Variants in SDR39U1 observed in about 807,000 individuals in gnomAD.
The protein encoded by SDR39U1 is epimerase family protein SDR39U1.
SDR39U1 carries 29 observed loss-of-function variants against 31.7 expected under a neutral mutation model. That is an observed-to-expected ratio of 0.92 (90% CI 0.68 to 1.25). The LOEUF is 1.25. Ranked by LOEUF, SDR39U1 falls within the 50% of genes most tolerant of loss-of-function variation. The pLI is 0.00. For missense variants in SDR39U1, 403 were observed against 378.4 expected (o/e 1.06, Z -0.54); for synonymous variants, 147 against 159.0 (o/e 0.92, Z 0.57).
rs761747443 is a variant in SDR39U1 at position 24,442,265 on chromosome 14, C to T, written c.124-5G>A. On this transcript the variant is annotated splice_polypyrimidine_tract_variant and splice_region_variant and intron_variant, in intron 2 of 5. Transcript: ENST00000399395. Reference sequence around the variant, plus strand: ...CCCCGATGCAGCGAGCTCATCCTGTCGGAGAAAGCACACAGTGCCCCTGCC... The same window carrying T: ...CCCCGATGCAGCGAGCTCATCCTGTTGGAGAAAGCACACAGTGCCCCTGCC... 5.0e-6 allele frequency: 8 copies of T among 1,608,170 alleles called. No individual in the cohort carries two copies. Among genetic ancestry groups the T allele is most frequent in the Non-Finnish European group, 6.8e-6 (8 of 1,177,688 alleles).
chr14:24,442,167 C>A lies in SDR39U1; in HGVS notation c.206+11G>T. On this transcript the variant is annotated intron_variant, in intron 3 of 5. Coordinates refer to ENST00000399395, the MANE Select transcript of SDR39U1 (RefSeq NM_020195.3). The stretch of plus-strand genomic sequence containing the variant: ...GCTCTAGTGGGTATCAGCTTTAGGG[C>A]CCGGGCTGACCTTCGGAGAGGGTTG... The A allele has an allele frequency of 6.2e-7, 1 of 1,608,170 alleles. No homozygotes were observed. The highest frequency in any genetic ancestry group is 8.5e-7 in the Non-Finnish European group (1 of 1,177,328).
chr14:24,440,749 C>A, intron 5 of SDR39U1, 34 bp downstream of exon 5: 1 of 1,610,042 alleles, frequency 6.2e-7, no homozygotes. Context: ...AGAAGACATT[C>A]CAACCCTGTC....
At position 24,441,680 on chromosome 14, in the gene SDR39U1, C is replaced by T; in HGVS notation, c.322G>A (p.Gly108Ser). The T allele has an allele frequency of 6.3e-7, 1 of 1,583,744 alleles. No individual in the cohort carries two copies. ...GGTGATTTGGGGGGCGTACCTACAC[C>T]TGTGACTAAGACCCAGGCCTTGGGG... ...QPPKAWVLVTGVAYYQPSLTA... is the reference protein window; with the variant it reads ...QPPKAWVLVTSVAYYQPSLTA... The change falls in exon 4 of 6, where the codon GGT (glycine) becomes AGT (serine). Residue 108 changes from glycine (G) to serine (S), a missense_variant. Physicochemically the swap from Gly to Ser is moderately conservative, Grantham distance 56. Coordinates refer to ENST00000399395, the MANE Select transcript of SDR39U1 (RefSeq NM_020195.3).
chr14:24,441,645 A>G (rs770512890), intron 4 of SDR39U1, 29 bp downstream of exon 4: 2 of 1,557,562 alleles, frequency 1.3e-6, no homozygotes, highest in Non-Finnish European at 1.7e-6. Context: ...CCTGGCGAAT[A>G]TAAGGGGCTG....
intron 4 of SDR39U1, chr14:24,441,442 G>T: frequency 2.0e-6 from 1 of 512,506 alleles, no homozygotes; most frequent in African/African-American, 2.0e-5. Flanking sequence ...AGGGACTTTG[G>T]GATAGGTGGA....
Position 24,441,670 on chromosome 14 carries a change from G to A in SDR39U1, c.328+4C>T, listed in dbSNP as rs11158703. The A allele has an allele frequency of 0.88, 1,386,331 of 1,573,406 alleles. 616,597 individuals carry two copies. Among genetic ancestry groups the A allele is most frequent in the Non-Finnish European group, 0.9 (1,053,549 of 1,165,728 alleles). On this transcript the variant is annotated splice_donor_region_variant and intron_variant, in intron 4 of 5. Coordinates refer to ENST00000399395, the MANE Select transcript of SDR39U1 (RefSeq NM_020195.3). ...ATAAGGGGCTGGTGATTTGGGGGGC[G>A]TACCTACACCTGTGACTAAGACCCA...
At chr14:24,442,558 G>T in intron 1 of SDR39U1, 106 bp from the exon 2 acceptor site, 1 of 1,234,096 alleles carries the variant, frequency 8.1e-7, no homozygotes. Context: ...CTGACACCAG[G>T]CTTCTCCCCA....
At chr14:24,442,123 G>T in intron 3 of SDR39U1, 55 bp downstream of exon 3, 1 of 1,577,418 alleles carries the variant, frequency 6.3e-7, no homozygotes, top group East Asian at 2.3e-5. Context: ...TCTCATCAGT[G>T]GGGCACTGTC....
At position 24,440,267 on chromosome 14, in the gene SDR39U1, C is replaced by T; in HGVS notation, c.698G>A (p.Gly233Asp). 1.2e-6 allele frequency: 2 copies of T among 1,613,950 alleles called. No homozygotes were observed. Among genetic ancestry groups the T allele is most frequent in the Non-Finnish European group, 1.7e-6 (2 of 1,179,832 alleles). Reference protein sequence around the residue: ...ATNAEFAQTLGAALGRRAFIP... With the variant: ...ATNAEFAQTLDAALGRRAFIP... ...GAAGGCTCGGCGGCCCAGGGCAGCA[C>T]CCAAGGTCTGGGCAAACTCAGCATT... The change falls in exon 6 of 6, where the codon GGT becomes GAT. Residue 233 changes from glycine to aspartate, a missense_variant. By Grantham distance (94) the Gly-to-Asp change is moderately conservative. Transcript: ENST00000399395.
At chr14:24,442,585 C>A in intron 1 of SDR39U1, 133 bp from the exon 2 acceptor site, 1 of 1,218,092 alleles carries the variant, frequency 8.2e-7, no homozygotes, top group East Asian at 2.3e-5. Flanking sequence ...CCCCTCCTCG[C>A]GATGCAGAGG....
chr14:24,440,550 C>G, intron 5 of SDR39U1, 58 bp from the exon 6 acceptor site: 1 of 1,538,252 alleles, frequency 6.5e-7, no homozygotes, highest in East Asian at 2.4e-5. Context: ...GAGCCCACTG[C>G]TCCTCCTGGT....
intron 3 of SDR39U1, 132 bp from the exon 4 acceptor site, chr14:24,441,927 T>A: frequency 1.5e-6 from 2 of 1,370,982 alleles, no homozygotes; most frequent in Non-Finnish European, 2.0e-6. Flanking sequence ...AGAGAAACAG[T>A]CAACGTCTCC....
chr14:24,440,424 C>T lies in SDR39U1; in HGVS notation c.541G>A (p.Gly181Ser), dbSNP rs200225837. ...AATTGGTGGCCTGAGCCGATGGGGC[C>T]CCCCAGGCCCAGGCGAAAGGGCAGC... ...MLLPFRLGLG[G>S]PIGSGHQFFP... is the part of the protein sequence containing the mutation. Residue 181 changes from glycine to serine, a missense_variant, in exon 6 of 6, where the codon GGC (glycine) becomes AGC (serine). Transcript: ENST00000399395. The T allele has an allele frequency of 5.6e-6, 9 of 1,613,066 alleles. No individual in the cohort carries two copies. The highest frequency in any genetic ancestry group is 2.2e-5 in the South Asian group (2 of 90,910).
intron 1 of SDR39U1, 51 bp downstream of exon 1, chr14:24,442,703 T>C: frequency 6.2e-7 from 1 of 1,610,894 alleles, no homozygotes; most frequent in Non-Finnish European, 8.5e-7. Flanking sequence ...TTCCCAGTCC[T>C]CAATCTCCGA....
rs112432580 is a variant in SDR39U1, at chr14:24,440,773, C to G, written c.472+10G>C. 4 of 1,613,230 alleles carry G rather than the reference C, an allele frequency of 2.5e-6. No individual in the cohort carries two copies. The highest frequency in any genetic ancestry group is 2.2e-5 in the South Asian group (2 of 91,078). On this transcript the variant is annotated intron_variant, in intron 5 of 5. Transcript: ENST00000399395. ...TCCAACCCTGTCTGATACCCAGGCC[C>G]GTTTCTCACCTGAGCGCACCACCAC...
chr14:24,442,602 A>G, intron 1 of SDR39U1, 150 bp from the exon 2 acceptor site: 1 of 1,232,968 alleles, frequency 8.1e-7, no homozygotes, highest in South Asian at 1.2e-5. Flanking sequence ...GAGGTGACAC[A>G]GGTCACAGGG....
upstream of SDR39U1, chr14:24,442,814 T>C (rs985708654): frequency 3.7e-6 from 6 of 1,610,206 alleles, no homozygotes; most frequent in Admixed American, 1.7e-5. Context: ...AGAGTTTACC[T>C]CACCTCAGAC....
chr14:24,440,902 G>A lies in SDR39U1; in HGVS notation c.353C>T (p.Ala118Val), dbSNP rs757888052. 13 of 1,613,866 alleles carry A rather than the reference G, an allele frequency of 8.1e-6. No homozygotes were observed. Among genetic ancestry groups the A allele is most frequent in the African/African-American group, 2.7e-5 (2 of 74,910 alleles). ...TCCTGGGCTGTCTTCATCATACTCCGCAGTCAGACTGGGCTGGTAGTAAGC... is the reference window on the plus strand; with the variant it reads ...TCCTGGGCTGTCTTCATCATACTCCACAGTCAGACTGGGCTGGTAGTAAGC... ...GVAYYQPSLTAEYDEDSPGGD... is the reference protein window; with the variant it reads ...GVAYYQPSLTVEYDEDSPGGD... Residue 118 changes from alanine (A) to valine (V), a missense_variant, in exon 5 of 6, where the codon GCG (alanine) becomes GTG (valine). Ala to Val is a moderately conservative substitution (Grantham distance 64, BLOSUM62 0). Coordinates refer to ENST00000399395, the MANE Select transcript of SDR39U1 (RefSeq NM_020195.3).
Position 24,442,377 on chromosome 14 carries a change from G to C in SDR39U1, c.92C>G (p.Ser31Cys). 6.2e-7 allele frequency: 1 copy of C among 1,611,982 alleles called. No individual in the cohort carries two copies. The highest frequency in any genetic ancestry group is 8.5e-7 in the Non-Finnish European group (1 of 1,179,030). The part of the protein sequence containing the change: ...NARGHEVTLV[S>C]RKPGPGRITW... ...GATCCGGCCGGGCCCGGGCTTTCGG[G>C]AGACCAACGTCACTTCGTGGCCTCT... Residue 31 changes from serine to cysteine, a missense_variant, in exon 2 of 6, where the codon TCC (serine) becomes TGC (cysteine). By Grantham distance (112) the Ser-to-Cys change is moderately radical. Transcript: ENST00000399395.
Sources: allele counts gnomAD v4.1 joint callset, GRCh38; gene constraint gnomAD v4.1.1; transcripts MANE v1.5; gene names NCBI Gene and HGNC (gene_info 2026-07-23, HGNC 2026-07-21).